KIAA1217: variants seen among roughly 807,000 people sequenced by gnomAD.
KIAA1217 encodes KIAA1217, also known as sickle tail protein homolog.
Under a neutral mutation model 163.9 loss-of-function variants are expected in KIAA1217, and 88 were observed. The ratio of observed to expected loss-of-function variants is 0.54; its 90% confidence interval spans 0.45 to 0.64. The LOEUF is 0.64. Ranked by LOEUF, KIAA1217 falls within the 30% of genes least tolerant of loss-of-function variation. The probability of loss-of-function intolerance (pLI) is 0.00; values close to 1 mark genes in which losing one functional copy is unlikely to be tolerated. For missense variants in KIAA1217, 2,372 were observed against 2,475.0 expected, an observed-to-expected ratio of 0.96 and a Z score of 0.88; for synonymous variants, 903 against 923.1, an observed-to-expected ratio of 0.98 and a Z score of 0.39.
chr10:24,034,728 G>A (rs531833443), intron 2 of KIAA1217, among the ~76,000 whole-genome samples: 3 of 152,294 alleles, frequency 2.0e-5, no homozygotes, highest in Admixed American at 6.5e-5. Context: ...AGGAGAAGAC[G>A]CAGACATCCT....
At chr10:23,805,053 G>A (rs1196489813) in intron 1 of KIAA1217, among the ~76,000 whole-genome samples, 4 of 152,080 alleles carry the variant, frequency 2.6e-5, no homozygotes, top group Non-Finnish European at 4.4e-5. Flanking sequence ...AATTGTTGGT[G>A]GGAGTATAAA....
At chr10:23,871,677 A>T (rs1426845378) in intron 1 of KIAA1217, among the ~76,000 whole-genome samples, 1 of 151,978 alleles carries the variant, frequency 6.6e-6, no homozygotes, top group African/African-American at 2.4e-5. Context: ...ATCCACCATG[A>T]CTTTCTAAGT....
chr10:24,011,976 A>G (rs1195298268), intron 2 of KIAA1217, among the ~76,000 whole-genome samples: 9 of 149,938 alleles, frequency 6.0e-5, no homozygotes, highest in Non-Finnish European at 1.3e-4. Flanking sequence ...GTTCAGATGG[A>G]AATGACAGTG....
intron 2 of KIAA1217, among the ~76,000 whole-genome samples, chr10:24,170,105 A>G (rs555137478): frequency 6.6e-6 from 1 of 152,356 alleles, no homozygotes; most frequent in Admixed American, 6.5e-5. Context: ...ACATACATCC[A>G]TGCTTTATAC....
At chr10:23,806,058 T>G (rs1302738793) in intron 1 of KIAA1217, among the ~76,000 whole-genome samples, 1 of 142,982 alleles carries the variant, frequency 7.0e-6, no homozygotes, top group Non-Finnish European at 1.5e-5. Context: ...GGTGTATGAA[T>G]TTGATGTCAT....
At chr10:23,911,272 A>G (rs1189070649) in intron 1 of KIAA1217, among the ~76,000 whole-genome samples, 1 of 152,168 alleles carries the variant, frequency 6.6e-6, no homozygotes, top group African/African-American at 2.4e-5. Flanking sequence ...AGGCACTAGG[A>G]CTGGCCTTAT....
chr10:23,887,249 A>G (rs74123147), intron 1 of KIAA1217, among the ~76,000 whole-genome samples: 8 of 152,050 alleles, frequency 5.3e-5, no homozygotes, highest in African/African-American at 1.9e-4. Flanking sequence ...AATTTAAAGC[A>G]TTATATAAGT....
chr10:24,085,179 G>A (rs780696907), intron 2 of KIAA1217, among the ~76,000 whole-genome samples: 2 of 152,148 alleles, frequency 1.3e-5, no homozygotes, highest in Non-Finnish European at 2.9e-5. Flanking sequence ...CTCCCAAAGT[G>A]CTGGGATTAC....
chr10:23,695,861 C>A lies in KIAA1217; in HGVS notation c.-321+627C>A, dbSNP rs1836000272. 2.0e-5 allele frequency among the ~76,000 whole-genome samples: 3 copies of A among 152,114 alleles called. No homozygotes were observed. The highest frequency in any genetic ancestry group is 6.5e-5 in the Admixed American group (1 of 15,278). ...TAGGGTCGCTACGGTTGATGTTGGG[C>A]GCCTTTGGAAGCTGGTCATTAATTC... On this transcript the variant is annotated intron_variant, in intron 1 of 18. Coordinates refer to the KIAA1217 transcript ENST00000376462. The surrounding 1 kb of genome is among the most constrained non-coding windows in gnomAD (Gnocchi z 4.9).
chr10:24,364,687 G>A (rs2050519586), intron 2 of KIAA1217, among the ~76,000 whole-genome samples: 1 of 152,104 alleles, frequency 6.6e-6, no homozygotes. Flanking sequence ...GATGTAACAG[G>A]TAGACTAGGG....
intron 2 of KIAA1217, among the ~76,000 whole-genome samples, chr10:24,196,819 G>T (rs963106331): frequency 3.3e-5 from 5 of 152,300 alleles, no homozygotes; most frequent in African/African-American, 1.2e-4. Flanking sequence ...CAGATGCTGC[G>T]CTGCTCCCCT....
intron 2 of KIAA1217, among the ~76,000 whole-genome samples, chr10:24,048,686 T>G (rs1849234098): frequency 6.7e-6 from 1 of 148,486 alleles, no homozygotes; most frequent in African/African-American, 2.5e-5. Flanking sequence ...GCCAAGATCA[T>G]ACCCCTGCAC....
At chr10:24,225,623 T>G (rs1013564135) in intron 2 of KIAA1217, among the ~76,000 whole-genome samples, 2 of 152,232 alleles carry the variant, frequency 1.3e-5, no homozygotes, top group African/African-American at 4.8e-5. Flanking sequence ...TGCAAACCAT[T>G]GGACTTAACC....
chr10:24,146,685 A>G (rs2064330641), intron 2 of KIAA1217, among the ~76,000 whole-genome samples: 1 of 152,126 alleles, frequency 6.6e-6, no homozygotes, highest in Admixed American at 6.5e-5. Flanking sequence ...CCTGTCTCAA[A>G]AAGAAAAAAA....
At chr10:23,843,816 G>C (rs139929126) in intron 1 of KIAA1217, among the ~76,000 whole-genome samples, 12 of 152,042 alleles carry the variant, frequency 7.9e-5, no homozygotes, top group Non-Finnish European at 1.2e-4. Flanking sequence ...AAATTCAACC[G>C]ATCTCTTCCT....
intron 1 of KIAA1217, among the ~76,000 whole-genome samples, chr10:24,005,983 A>G (rs1846978379): frequency 6.6e-6 from 1 of 152,186 alleles, no homozygotes; most frequent in South Asian, 2.1e-4. Flanking sequence ...CCAGAAATCA[A>G]ATGGTTTCGC....
chr10:24,506,695 G>A (rs1316740826), intron 9 of KIAA1217, among the ~76,000 whole-genome samples: 1 of 152,122 alleles, frequency 6.6e-6, no homozygotes, highest in African/African-American at 2.4e-5. Context: ...AGAATGGGGG[G>A]AAAAAACCTA....
chr10:24,546,173 C>T lies in KIAA1217; in HGVS notation c.5681C>T (p.Ser1894Phe). 1 of 1,614,114 alleles carries T rather than the reference C, an allele frequency of 6.2e-7. No homozygotes were observed. Among genetic ancestry groups the T allele is most frequent in the Non-Finnish European group, 8.5e-7 (1 of 1,180,004 alleles). Residue 1894 changes from serine to phenylalanine, a missense_variant, in exon 21 of 21, where the codon TCC becomes TTC. Transcript: ENST00000376454. Reference protein sequence around the residue: ...NGRAPPPLSFSSSPPSPASSV... With the variant: ...NGRAPPPLSFFSSPPSPASSV... ...CGAGCACCCCCTCCTTTGTCATTTT[C>T]CTCCTCCCCTCCTTCTCCTGCCTCC...
At chr10:24,298,654 C>T (rs1040267064) in intron 2 of KIAA1217, among the ~76,000 whole-genome samples, 3 of 151,892 alleles carry the variant, frequency 2.0e-5, no homozygotes, top group African/African-American at 4.8e-5. Context: ...AAAAATTAGC[C>T]GGGCATGGTA....
Sources: allele counts gnomAD v4.1 joint callset (sites outside exome capture counted in the v4.1 genomes callset), GRCh38; gene constraint gnomAD v4.1.1; non-coding constraint Gnocchi (gnomAD v3.1); transcripts MANE v1.5; gene names NCBI Gene and HGNC (gene_info 2026-07-23, HGNC 2026-07-21).